Variants in TCF7L2 observed in about 807,000 individuals in gnomAD.
TCF7L2 encodes the protein transcription factor 7 like 2.
TCF7L2 carries 23 observed loss-of-function variants against 77.9 expected under a neutral mutation model. That is an observed-to-expected ratio of 0.30 (90% CI 0.21 to 0.42). The LOEUF is 0.42. TCF7L2 is among the 10% of genes least tolerant of loss of function. The pLI is 1.00. For synonymous variants in TCF7L2, 413 were observed against 340.2 expected (o/e 1.21, Z -2.36); for missense variants, 654 against 793.1 (o/e 0.82, Z 2.11).
chr10:113,087,252 G>A (rs2059930267), intron 5 of TCF7L2, among the ~76,000 whole-genome samples: 1 of 152,188 alleles, frequency 6.6e-6, no homozygotes, highest in African/African-American at 2.4e-5. Flanking sequence ...GGAAATGCCC[G>A]TGGAAGATAA....
chr10:113,050,206 T>TTACTC (rs1477958397), intron 5 of TCF7L2, among the ~76,000 whole-genome samples: 1 of 152,160 alleles, frequency 6.6e-6, no homozygotes, highest in Non-Finnish European at 1.5e-5. Context: ...GATAAAGGCT[T>TTACTC]TACTCTTTGT....
At position 113,108,229 on chromosome 10, in the gene TCF7L2, A is replaced by C. The variant is rs1354725481; in HGVS notation, c.553-32955A>C. Among the ~76,000 whole-genome samples, 5 of 152,058 alleles carry C rather than the reference A, an allele frequency of 3.3e-5. No homozygotes were observed. The East Asian group carries it at 9.7e-4, about 29-fold the overall frequency. Reference sequence around the variant, plus strand: ...AACACAATGTGGACCCCCCCACCCCACCAGGCAAAGGTTGCATTTTGGTGA... The same window carrying C: ...AACACAATGTGGACCCCCCCACCCCCCCAGGCAAAGGTTGCATTTTGGTGA... On this transcript the variant is annotated intron_variant, in intron 5 of 13. Coordinates refer to ENST00000627217, the MANE Select transcript of TCF7L2 (RefSeq NM_001146274.2).
At chr10:112,978,237 TA>T (rs1018639260) in intron 4 of TCF7L2, among the ~76,000 whole-genome samples, 9 of 152,340 alleles carry the variant, frequency 5.9e-5, no homozygotes, top group African/African-American at 2.2e-4. Context: ...CTTGTCTATT[TA>T]AAAATCTCCC....
chr10:113,117,365 TTCTCTCTCTC>T (rs1247649039), intron 5 of TCF7L2, among the ~76,000 whole-genome samples: 1 of 122,150 alleles, frequency 8.2e-6, no homozygotes. Context: ...TGAAGGGATT[TTCTCTCTCTC>T]TCTCTCTCTC....
chr10:113,009,884 A>G (rs1381179525), intron 4 of TCF7L2, among the ~76,000 whole-genome samples: 1 of 152,158 alleles, frequency 6.6e-6, no homozygotes, highest in East Asian at 1.9e-4. Context: ...GGCAGCATGG[A>G]CTGTTCTTTT....
At chr10:113,017,066 C>T (rs1252996649) in intron 4 of TCF7L2, among the ~76,000 whole-genome samples, 4 of 152,206 alleles carry the variant, frequency 2.6e-5, no homozygotes, top group African/African-American at 9.7e-5. Flanking sequence ...CTCCTCAACA[C>T]ACTCCTTTCC....
At chr10:113,141,696 T>C (rs975792145) in intron 6 of TCF7L2, among the ~76,000 whole-genome samples, 6 of 152,130 alleles carry the variant, frequency 3.9e-5, no homozygotes, top group African/African-American at 7.2e-5. Flanking sequence ...ATTTCTTGGG[T>C]TCCTCCTCAG....
intron 11 of TCF7L2, among the ~76,000 whole-genome samples, chr10:113,155,824 G>A (rs937948263): frequency 2.0e-5 from 3 of 152,314 alleles, no homozygotes; most frequent in South Asian, 2.1e-4. Flanking sequence ...GGAGAGGCGC[G>A]GGCATGGAGA....
At chr10:113,158,917 G>A (rs1397626210) in intron 12 of TCF7L2, among the ~76,000 whole-genome samples, 200 bp downstream of exon 13, 1 of 103,298 alleles carries the variant, frequency 9.7e-6, no homozygotes, top group Non-Finnish European at 2.0e-5. Flanking sequence ...CCTTTGTTTT[G>A]TTTATTTATT....
At chr10:113,009,552 C>T (rs1376016520) in intron 4 of TCF7L2, among the ~76,000 whole-genome samples, 1 of 152,208 alleles carries the variant, frequency 6.6e-6, no homozygotes, top group African/African-American at 2.4e-5. Flanking sequence ...AGGGATGGGT[C>T]TCCAAAGCTT....
intron 4 of TCF7L2, 115 bp downstream of exon 4, chr10:112,964,739 A>ATGATGGTGGTGGTGGTGATGG (rs1227924366): frequency 1.7e-6 from 1 of 575,334 alleles, no homozygotes; most frequent in African/African-American, 2.5e-5. Context: ...GATGATGATG[A>ATGATGGTGGTGGTGGTGATGG]TGGTGGTGGT....
chr10:113,099,012 C>G lies in TCF7L2; in HGVS notation c.553-42172C>G, dbSNP rs1480068272. Among the ~76,000 whole-genome samples the G allele has an allele frequency of 2.0e-5, 3 of 152,200 alleles. No homozygotes were observed. In the East Asian group the frequency reaches 5.8e-4, roughly 29 times the overall value. ...GCTCTGCTCTGCTGTTTCTCCAGCC[C>G]TCTCCAGTGAAAGAGATGTAACTGC... On this transcript the variant is annotated intron_variant, in intron 5 of 13. Coordinates refer to ENST00000627217, the MANE Select transcript of TCF7L2 (RefSeq NM_001146274.2).
Position 113,103,694 on chromosome 10 carries a change from G to C in TCF7L2, c.553-37490G>C, listed in dbSNP as rs138571000. ...TCTGGGAGGAAACTCACATTTTTTCGTACTTATTAATGGTATGTCTTTTGT... is the reference window on the plus strand; with the variant it reads ...TCTGGGAGGAAACTCACATTTTTTCCTACTTATTAATGGTATGTCTTTTGT... On this transcript the variant is annotated intron_variant, in intron 5 of 13. Coordinates refer to ENST00000627217, the MANE Select transcript of TCF7L2 (RefSeq NM_001146274.2). Among the ~76,000 whole-genome samples, 1,079 of 152,178 alleles carry C rather than the reference G, an allele frequency of 7.1e-3. 9 individuals carry two copies. Among genetic ancestry groups the C allele is most frequent in the Middle Eastern group, 0.02 (6 of 294 alleles).
Position 113,124,359 on chromosome 10 carries a change from G to A in TCF7L2, c.553-16825G>A, listed in dbSNP as rs528474396. ...GCCAGTAGGGTGGTCAGTGGGTGTTGTAGATTAGCTCAGTGGCCATTACAG... is the reference window on the plus strand; with the variant it reads ...GCCAGTAGGGTGGTCAGTGGGTGTTATAGATTAGCTCAGTGGCCATTACAG... On this transcript the variant is annotated intron_variant, in intron 5 of 13. Coordinates refer to ENST00000627217, the MANE Select transcript of TCF7L2 (RefSeq NM_001146274.2). Among the ~76,000 whole-genome samples the A allele has an allele frequency of 3.3e-5, 5 of 152,266 alleles. No homozygotes were observed. In the East Asian group the frequency reaches 5.8e-4, roughly 18 times the overall value.
intron 13 of TCF7L2, among the ~76,000 whole-genome samples, chr10:113,165,087 C>G (rs1017064279): frequency 1.3e-5 from 2 of 151,634 alleles, no homozygotes; most frequent in Admixed American, 6.6e-5. Context: ...ACACACACAT[C>G]ACTGGGGGAT....
At chr10:112,962,575 C>T (rs1013907095) in intron 3 of TCF7L2, among the ~76,000 whole-genome samples, 3 of 152,134 alleles carry the variant, frequency 2.0e-5, no homozygotes, top group African/African-American at 7.2e-5. Flanking sequence ...CTTTGTTTTT[C>T]AGCAGGTCAC....
chr10:113,105,614 G>A lies in TCF7L2; in HGVS notation c.553-35570G>A, dbSNP rs994798384. Among the ~76,000 whole-genome samples, 13 of 152,076 alleles carry A rather than the reference G, an allele frequency of 8.5e-5. No individual in the cohort carries two copies. The East Asian group carries it at 2.5e-3, about 29-fold the overall frequency. ...TGCCTGGTGACCAGGGAGGTGCCCCGCACCTCACCTGTCTAGTGGGGTTTC... is the reference window on the plus strand; with the variant it reads ...TGCCTGGTGACCAGGGAGGTGCCCCACACCTCACCTGTCTAGTGGGGTTTC... On this transcript the variant is annotated intron_variant, in intron 5 of 13. Transcript: ENST00000627217.
intron 5 of TCF7L2, among the ~76,000 whole-genome samples, chr10:113,063,856 A>G (rs1228676859): frequency 6.6e-6 from 1 of 151,282 alleles, no homozygotes; most frequent in Non-Finnish European, 1.5e-5. Context: ...AGTAGGCAGT[A>G]GGAGAAGAGT....
At chr10:112,992,560 C>T (rs2042758762) in intron 4 of TCF7L2, among the ~76,000 whole-genome samples, 1 of 152,048 alleles carries the variant, frequency 6.6e-6, no homozygotes, top group South Asian at 2.1e-4. Flanking sequence ...CTGCAGGGTG[C>T]TAAGATTGCG....
Sources: gnomAD v4.1 joint callset for allele counts (sites outside exome capture counted in the v4.1 genomes callset) on GRCh38, gnomAD v4.1.1 for gene constraint, MANE v1.5 for transcripts, NCBI Gene and HGNC (gene_info 2026-07-23, HGNC 2026-07-21) for gene names.